Variants in CHD1L observed in about 807,000 individuals in gnomAD.
CHD1L encodes the protein chromodomain helicase DNA binding protein 1 like, also known as ATP-dependent chromatin remodeler CHD1L.
CHD1L carries 118 observed loss-of-function variants against 115.9 expected under a neutral mutation model. The observed-to-expected ratio is 1.02, with a 90% CI of 0.88 to 1.19. The LOEUF (loss-of-function observed/expected upper bound fraction) is 1.19, where lower values mean the gene tolerates loss of function less well. Among genes scored for constraint, CHD1L ranks in the 50% most tolerant of loss-of-function variants. The probability of loss-of-function intolerance (pLI) is 0.00; values close to 1 mark genes in which losing one functional copy is unlikely to be tolerated. For synonymous variants in CHD1L, 411 were observed against 387.1 expected (o/e 1.06, Z -0.72); for missense variants, 1,179 against 1,065.3 (o/e 1.11, Z -1.49).
chr1:147,246,276 A>G (rs770884196), intron 1 of CHD1L, among the ~76,000 whole-genome samples: 1 of 152,126 alleles, frequency 6.6e-6, no homozygotes, highest in Non-Finnish European at 1.5e-5. Context: ...AGTATACCAC[A>G]GTTTGTTTCA....
At chr1:147,218,397 G>A in the CHD1L span, among the ~76,000 whole-genome samples, 1 of 143,864 alleles carries the variant, frequency 7.0e-6, no homozygotes, top group African/African-American at 2.7e-5. Context: ...CACTATGCCT[G>A]GCTAATTTTT....
chr1:147,178,102 C>T, the CHD1L span: 2 of 1,548,310 alleles, frequency 1.3e-6, no homozygotes, highest in African/African-American at 1.4e-5. Flanking sequence ...GCCCCCACCC[C>T]ACCTCGCCGC....
chr1:147,287,691 G>T lies in CHD1L; in HGVS notation c.2278G>T (p.Ala760Ser), dbSNP rs782687350. 2 of 1,613,996 alleles carry T rather than the reference G, an allele frequency of 1.2e-6. No homozygotes were observed. The highest frequency in any genetic ancestry group is 3.3e-5 in the Admixed American group (2 of 60,000). Reference protein sequence around the residue: ...GLFTALEKRSAEPRKIYELAG... With the variant: ...GLFTALEKRSSEPRKIYELAG... ...ATTTACAGCTCTGGAAAAGCGATCC[G>T]CTGAGCCAAGAAAAATATATGAGCT... The change falls in exon 19 of 23, where the codon GCT becomes TCT. Residue 760 changes from alanine (A) to serine (S), a missense_variant. Physicochemically the swap from Ala to Ser is moderately conservative, Grantham distance 99. Coordinates refer to ENST00000369258, the MANE Select transcript of CHD1L (RefSeq NM_004284.6).
chr1:147,204,369 T>C, the CHD1L span: 1 of 1,031,546 alleles, frequency 9.7e-7, no homozygotes, highest in Non-Finnish European at 1.5e-6. Flanking sequence ...GAAAAATAGA[T>C]ACGCATGCCT....
chr1:147,286,031 T>C (rs1682983907), intron 17 of CHD1L, among the ~76,000 whole-genome samples: 1 of 152,142 alleles, frequency 6.6e-6, no homozygotes, highest in Non-Finnish European at 1.5e-5. Context: ...ATTGTAGCTA[T>C]CTGACAAAGA....
At chr1:147,218,243 A>ATTTTTTTT in the CHD1L span, among the ~76,000 whole-genome samples, 1 of 150,274 alleles carries the variant, frequency 6.7e-6, no homozygotes, top group African/African-American at 2.4e-5. Flanking sequence ...AACATGCAGA[A>ATTTTTTTT]TTTTTTTTTT....
chr1:147,280,143 G>A lies in CHD1L; in HGVS notation c.1657G>A (p.Asp553Asn). 6.2e-7 allele frequency: 1 copy of A among 1,613,022 alleles called. No individual in the cohort carries two copies. Among genetic ancestry groups the A allele is most frequent in the Non-Finnish European group, 8.5e-7 (1 of 1,179,574 alleles). The stretch of plus-strand genomic sequence containing the variant: ...AACAAAAGATGGCCAGTGGGTCTCT[G>A]ATGCCTTGCCTGCAGCAGAAGGAGG... ...GETKDGQWVS[D>N]ALPAAEGGSR... The change falls in exon 15 of 23, where the codon GAT (aspartate) becomes AAT (asparagine). Residue 553 changes from aspartate to asparagine, a missense_variant. Asp to Asn is a conservative substitution (Grantham distance 23). Coordinates refer to ENST00000369258, the MANE Select transcript of CHD1L (RefSeq NM_004284.6).
intron 18 of CHD1L, among the ~76,000 whole-genome samples, chr1:147,287,044 C>G (rs767999446): frequency 6.6e-6 from 1 of 152,180 alleles, no homozygotes; most frequent in Non-Finnish European, 1.5e-5. Context: ...GACACATTAC[C>G]TATGTATTTG....
chr1:147,264,686 A>G, intron 7 of CHD1L, 102 bp downstream of exon 7: 1 of 1,238,582 alleles, frequency 8.1e-7, no homozygotes, highest in East Asian at 2.4e-5. Flanking sequence ...TGATGACCAG[A>G]GGACACCTTC....
chr1:147,194,131 C>T, the CHD1L span, among the ~76,000 whole-genome samples: 5 of 152,052 alleles, frequency 3.3e-5, no homozygotes, highest in African/African-American at 4.8e-5. Context: ...ATTATTATTG[C>T]GTGGGAGTCT....
chr1:147,255,129 G>A (rs1470731645), intron 3 of CHD1L, among the ~76,000 whole-genome samples, 153 bp downstream of exon 3: 3 of 152,160 alleles, frequency 2.0e-5, no homozygotes, highest in African/African-American at 7.2e-5. Flanking sequence ...TAGACACTGA[G>A]GATATAATAG....
chr1:147,183,048 A>C, the CHD1L span, among the ~76,000 whole-genome samples: 1 of 152,062 alleles, frequency 6.6e-6, no homozygotes, highest in African/African-American at 2.4e-5. Flanking sequence ...AAATACAAAG[A>C]TTAGCCAGGC....
At chr1:147,215,947 A>C in the CHD1L span, 5 of 1,596,754 alleles carry the variant, frequency 3.1e-6, no homozygotes, top group Non-Finnish European at 4.3e-6. Flanking sequence ...ATTTTCCTGC[A>C]ATAAATAGAA....
At chr1:147,276,847 A>G (rs1360918966) in intron 14 of CHD1L, among the ~76,000 whole-genome samples, 1 of 152,142 alleles carries the variant, frequency 6.6e-6, no homozygotes, top group East Asian at 1.9e-4. Flanking sequence ...AACTCATAAT[A>G]TTTCCTGGAT....
intron 19 of CHD1L, among the ~76,000 whole-genome samples, chr1:147,288,323 A>ATTAAAG (rs1553967767): frequency 4.1e-3 from 18 of 4,348 alleles, no homozygotes; most frequent in African/African-American, 9.7e-3. Context: ...ACCCTGTTTC[A>ATTAAAG]ATAAAAAAAA....
intron 16 of CHD1L, 104 bp downstream of exon 16, chr1:147,284,603 C>A: frequency 9.6e-7 from 1 of 1,036,830 alleles, no homozygotes; most frequent in Non-Finnish European, 1.4e-6. Context: ...GATGATTTGT[C>A]AAGAAATAAG....
At chr1:147,226,397 G>A in the CHD1L span, among the ~76,000 whole-genome samples, 4 of 152,142 alleles carry the variant, frequency 2.6e-5, no homozygotes, top group Non-Finnish European at 5.9e-5. Flanking sequence ...CAGATTAGTG[G>A]AGGAGACCAA....
At chr1:147,196,262 A>C in the CHD1L span, among the ~76,000 whole-genome samples, 1 of 152,152 alleles carries the variant, frequency 6.6e-6, no homozygotes, top group African/African-American at 2.4e-5. Flanking sequence ...ATGTGTTTTT[A>C]CATTTTAGCC....
rs1681591041 is a variant in CHD1L at position 147,283,162 on chromosome 1, T to C, written c.1706-1189T>C. ...ATGAAGCTACATATGTTGATCATAT[T>C]TGACACTTCTCAGCTCTATTTTTTT... On this transcript the variant is annotated intron_variant, in intron 15 of 22. Transcript: ENST00000369258. 4.6e-5 allele frequency among the ~76,000 whole-genome samples: 7 copies of C among 152,310 alleles called. 1 individual carries two copies. The highest frequency in any genetic ancestry group is 2.1e-4 in the South Asian group (1 of 4,826).
Sources: gnomAD v4.1 joint callset for allele counts (sites outside exome capture counted in the v4.1 genomes callset) on GRCh38, gnomAD v4.1.1 for gene constraint, MANE v1.5 for transcripts, NCBI Gene and HGNC (gene_info 2026-07-23, HGNC 2026-07-21) for gene names.